MAP3K2: variants seen among roughly 807,000 people sequenced by gnomAD.
MAP3K2 encodes the protein mitogen-activated protein kinase kinase kinase 2, also known as MAP/ERK kinase kinase 2.
In MAP3K2, 24 loss-of-function variants were observed where a neutral mutation model predicts 80.3. That is an observed-to-expected ratio of 0.30 (90% CI 0.22 to 0.42). MAP3K2 has a LOEUF of 0.42. MAP3K2 is among the 10% of genes least tolerant of loss of function. The pLI is 1.00. For missense variants in MAP3K2, 608 were observed against 750.1 expected, an observed-to-expected ratio of 0.81 and a Z score of 2.21; for synonymous variants, 244 against 253.7, an observed-to-expected ratio of 0.96 and a Z score of 0.36.
At chr2:127,343,815 C>T (rs1351436054) in intron 1 of MAP3K2, among the ~76,000 whole-genome samples, 2 of 151,860 alleles carry the variant, frequency 1.3e-5, no homozygotes, top group Non-Finnish European at 2.9e-5. Flanking sequence ...CCCAGGAGTT[C>T]GAGACCAGCC....
In MAP3K2 at chr2:127,307,465, CTT is replaced by C. The variant is rs977280871; in HGVS notation, c.*112_*113del. The C allele has an allele frequency of 2.8e-5, 15 of 531,618 alleles. No homozygotes were observed. The highest frequency in any genetic ancestry group is 4.1e-5 in the South Asian group (1 of 24,442). The allele number at this position is 531,618 out of a possible 1,614,324, so 32.9% of individuals were successfully genotyped here. ...AAGAATCAAGAGAAATACTTTCCCTCTTGTCTTTTTTCTCCCCCATCTCTCTT... is the reference window on the plus strand; with the variant it reads ...AAGAATCAAGAGAAATACTTTCCCTCGTCTTTTTTCTCCCCCATCTCTCTT... On this transcript the variant is annotated 3_prime_UTR_variant, in exon 17 of 17. Coordinates refer to ENST00000682094, the MANE Select transcript of MAP3K2 (RefSeq NM_001371910.2). The surrounding 1 kb of genome is among the most constrained non-coding windows in gnomAD (Gnocchi z 5.4).
chr2:127,386,081 G>T lies in MAP3K2; in HGVS notation c.-66+1371C>A, dbSNP rs556501817. 1.3e-5 allele frequency among the ~76,000 whole-genome samples: 2 copies of T among 152,252 alleles called. 1 individual carries two copies. Among genetic ancestry groups the T allele is most frequent in the South Asian group, 4.2e-4 (2 of 4,818 alleles). On this transcript the variant is annotated intron_variant, in intron 1 of 16. Transcript: ENST00000682094. ...TGTAATTTCACCTTTTCTCCACAGA[G>T]ACTGCAAGACCACAAATTTTCTTCA...
intron 1 of MAP3K2, among the ~76,000 whole-genome samples, chr2:127,386,443 A>G (rs1289767003): frequency 6.6e-6 from 1 of 152,240 alleles, no homozygotes; most frequent in Non-Finnish European, 1.5e-5. Flanking sequence ...CGAACAAATC[A>G]CTAAATTGCC....
In MAP3K2 at chr2:127,326,823, G is replaced by C; in HGVS notation, c.467-6C>G. 6.5e-7 allele frequency: 1 copy of C among 1,532,232 alleles called. No individual in the cohort carries two copies. Among genetic ancestry groups the C allele is most frequent in the Non-Finnish European group, 8.8e-7 (1 of 1,138,216 alleles). The allele number at this position is 1,532,232 out of a possible 1,614,324, so 94.9% of individuals were successfully genotyped here. ...TCTATCTCTACTAGTAGGACCTCAA[G>C]GAAGAAAAATAATGTAATTTATAAT... On this transcript the variant is annotated splice_polypyrimidine_tract_variant and splice_region_variant and intron_variant, in intron 7 of 16. Transcript: ENST00000682094.
chr2:127,307,930 G>T lies in MAP3K2; in HGVS notation c.1635-126C>A. 1.7e-6 allele frequency: 1 copy of T among 600,922 alleles called. No individual in the cohort carries two copies. Among genetic ancestry groups the T allele is most frequent in the African/African-American group, 1.9e-5 (1 of 53,928 alleles). 37.2% of individuals were successfully genotyped at this position (600,922 alleles called of 1,614,324 possible). A position where few individuals can be genotyped will look rare whatever the true frequency, so the allele number is the denominator to read the frequency against. On this transcript the variant is annotated intron_variant, in intron 16 of 16. Coordinates refer to ENST00000682094, the MANE Select transcript of MAP3K2 (RefSeq NM_001371910.2). This position sits in a 1 kb window ranked among gnomAD's most constrained non-coding sequence, Gnocchi z 5.4. The stretch of plus-strand genomic sequence containing the variant: ...AATATGACTTAATTTCAAGTTCAAA[G>T]TTTCATTAAAAAGTTCTAATTTCGT...
intron 12 of MAP3K2, among the ~76,000 whole-genome samples, chr2:127,320,462 GGAGA>G (rs943842671): frequency 1.3e-5 from 2 of 151,612 alleles, no homozygotes; most frequent in Non-Finnish European, 2.9e-5. Flanking sequence ...GGAGAGGGAG[GGAGA>G]GAGAGAGACA....
intron 1 of MAP3K2, among the ~76,000 whole-genome samples, chr2:127,355,104 A>T (rs1195355708): frequency 2.0e-5 from 3 of 152,150 alleles, no homozygotes; most frequent in Non-Finnish European, 4.4e-5. Context: ...GAAGTCCCCA[A>T]ATGACAGCAG....
intron 1 of MAP3K2, among the ~76,000 whole-genome samples, chr2:127,365,318 C>T (rs1364976950): frequency 6.6e-6 from 1 of 151,996 alleles, no homozygotes; most frequent in Non-Finnish European, 1.5e-5. Flanking sequence ...TCCTATGAGC[C>T]TTGATCCATA....
intron 1 of MAP3K2, among the ~76,000 whole-genome samples, chr2:127,373,943 C>T (rs1021081033): frequency 6.6e-6 from 1 of 152,158 alleles, no homozygotes; most frequent in Non-Finnish European, 1.5e-5. Context: ...TAGGGCATAC[C>T]CTTCCTGCTG....
rs573701621 is a variant in MAP3K2 at position 127,323,109 on chromosome 2, T to C, written c.838+793A>G. 4.8e-5 allele frequency among the ~76,000 whole-genome samples: 7 copies of C among 144,758 alleles called. No homozygotes were observed. The South Asian group carries it at 1.3e-3, about 28-fold the overall frequency. 95.0% of individuals were successfully genotyped at this position (144,758 alleles called of 152,430 possible). ...GGCAAAACCCCATCTCTACTAAAAATACAAAAATTAGGCCGGGCACGGTGG... is the reference window on the plus strand; with the variant it reads ...GGCAAAACCCCATCTCTACTAAAAACACAAAAATTAGGCCGGGCACGGTGG... On this transcript the variant is annotated intron_variant, in intron 11 of 16. Transcript: ENST00000682094.
In MAP3K2 at chr2:127,387,742, C is replaced by A; in HGVS notation, c.-356G>T. 3.0e-6 allele frequency: 3 copies of A among 984,972 alleles called. No individual in the cohort carries two copies. The highest frequency in any genetic ancestry group is 3.6e-6 in the Non-Finnish European group (3 of 829,622). 61.0% of individuals were successfully genotyped at this position (984,972 alleles called of 1,614,324 possible). The stretch of plus-strand genomic sequence containing the variant: ...ACTTCTAGCCGCTGCAACCCCGAGG[C>A]CCGCGGGAACTGGGCAGGAAAGGAG... On this transcript the variant is annotated 5_prime_UTR_variant, in exon 1 of 17. Coordinates refer to ENST00000682094, the MANE Select transcript of MAP3K2 (RefSeq NM_001371910.2).
chr2:127,361,848 C>T (rs776923657), intron 1 of MAP3K2, among the ~76,000 whole-genome samples: 35 of 152,120 alleles, frequency 2.3e-4, no homozygotes, highest in Non-Finnish European at 4.4e-4. Flanking sequence ...AGGTGACTCT[C>T]GGCTATTACA....
rs370513516 is a variant in MAP3K2, at chr2:127,322,087, T to C, written c.1004A>G (p.Asn335Ser). The part of the protein sequence containing the change: ...RIRRRGSDID[N>S]PTLTVMDISP... ...GATGTCCATTACGGTCAAAGTAGGA[T>C]TGTCTATGTCACTTCCCCTTCTTCT... The change falls in exon 12 of 17, where the codon AAT becomes AGT. Residue 335 changes from asparagine to serine, a missense_variant. Asn to Ser is a conservative substitution (Grantham distance 46). Coordinates refer to ENST00000682094, the MANE Select transcript of MAP3K2 (RefSeq NM_001371910.2). This position sits in a 1 kb window ranked among gnomAD's most constrained non-coding sequence, Gnocchi z 4.2. 8 of 1,613,622 alleles carry C rather than the reference T, an allele frequency of 5.0e-6. No homozygotes were observed. Among genetic ancestry groups the C allele is most frequent in the South Asian group, 1.1e-5 (1 of 91,020 alleles).
chr2:127,383,951 G>A lies in MAP3K2; in HGVS notation c.-66+3501C>T, dbSNP rs567103651. 9.5e-5 allele frequency among the ~76,000 whole-genome samples: 14 copies of A among 147,330 alleles called. No homozygotes were observed. In the South Asian group the frequency reaches 2.3e-3, roughly 24 times the overall value. ...TGCAGTGGCGCCATCTCTGCTCACC[G>A]CAAGCTCCACCTCCCGGGTTCACGC... On this transcript the variant is annotated intron_variant, in intron 1 of 16. Coordinates refer to ENST00000682094, the MANE Select transcript of MAP3K2 (RefSeq NM_001371910.2).
Position 127,378,934 on chromosome 2 carries a change from C to T in MAP3K2, c.-66+8518G>A, listed in dbSNP as rs534109235. 1.3e-4 allele frequency among the ~76,000 whole-genome samples: 19 copies of T among 151,530 alleles called. No individual in the cohort carries two copies. The South Asian group carries it at 2.9e-3, about 23-fold the overall frequency. The stretch of plus-strand genomic sequence containing the variant: ...CAGCCTTTTGAGTAGCTGGAACTAC[C>T]GGCGTGTGTGCTATCACGTCTGGCT... On this transcript the variant is annotated intron_variant, in intron 1 of 16. Coordinates refer to ENST00000682094, the MANE Select transcript of MAP3K2 (RefSeq NM_001371910.2).
chr2:127,317,777 ATTG>A lies in MAP3K2; in HGVS notation c.1195-20_1195-18del, dbSNP rs1488422913. 1 of 1,592,722 alleles carries A rather than the reference ATTG, an allele frequency of 6.3e-7. No individual in the cohort carries two copies. The highest frequency in any genetic ancestry group is 1.3e-5 in the African/African-American group (1 of 74,662). ...ATTTACTTCCTGAAAGAGAGAATTC[ATTG>A]TTAAGTCTTCAACAATGTCAGTAAA... is the stretch of plus-strand genomic sequence containing the variant. On this transcript the variant is annotated intron_variant, in intron 13 of 16. Coordinates refer to ENST00000682094, the MANE Select transcript of MAP3K2 (RefSeq NM_001371910.2).
chr2:127,375,288 C>T (rs1687130982), intron 1 of MAP3K2, among the ~76,000 whole-genome samples: 1 of 152,140 alleles, frequency 6.6e-6, no homozygotes. Flanking sequence ...CATCAGACAA[C>T]ACAGGCCCCG....
At chr2:127,388,187 C>T, upstream of MAP3K2, 1 of 891,594 alleles carries the variant, frequency 1.1e-6, no homozygotes, top group Non-Finnish European at 1.3e-6. Flanking sequence ...CGGCCTCGGC[C>T]CCGCCCCCGC....
chr2:127,379,593 T>C (rs1457968726), intron 1 of MAP3K2, among the ~76,000 whole-genome samples: 1 of 152,278 alleles, frequency 6.6e-6, no homozygotes, highest in African/African-American at 2.4e-5. Flanking sequence ...AGTTCAACTG[T>C]TGATGACTCT....
Sources: gnomAD v4.1 joint callset for allele counts (sites outside exome capture counted in the v4.1 genomes callset) on GRCh38, gnomAD v4.1.1 for gene constraint, Gnocchi (gnomAD v3.1) non-coding constraint, MANE v1.5 for transcripts, NCBI Gene and HGNC (gene_info 2026-07-23, HGNC 2026-07-21) for gene names.